The following PDHA1 variants were observed in gnomAD, a reference collection of about 807,000 sequenced individuals.
The protein encoded by PDHA1 is pyruvate dehydrogenase E1 subunit alpha 1.
In PDHA1, 1 loss-of-function variant was observed where a neutral mutation model predicts 33.0. The observed-to-expected ratio is 0.03, with a 90% CI of 0.01 to 0.14. The LOEUF (loss-of-function observed/expected upper bound fraction) is 0.14, where lower values mean the gene tolerates loss of function less well. PDHA1 is among the 10% of genes least tolerant of loss of function. The pLI is 1.00. For missense variants in PDHA1, 168 were observed against 325.1 expected (o/e 0.52, Z 3.72); for synonymous variants, 123 against 119.2 (o/e 1.03, Z -0.21).
In PDHA1 at chrX:19,351,523, C is replaced by A. The variant is rs1364899236; in HGVS notation, c.418+116C>A. ...AAAATTTTAAGTTTCTTTTTTTAAC[C>A]CTCTCTCCTTTGGTGCTCTGGTACT... On this transcript the variant is annotated intron_variant, in intron 4 of 10. Transcript: ENST00000422285. The A allele has an allele frequency of 2.0e-4, 130 of 648,348 alleles. 2 individuals carry two copies. The highest frequency in any genetic ancestry group is 1.2e-4 in the South Asian group (4 of 34,166). The allele number at this position is 648,348 out of a possible 1,213,427, so 53.4% of individuals were successfully genotyped here.
intron 1 of PDHA1, among the ~76,000 whole-genome samples, chrX:19,345,575 A>ATT (rs1569188734): frequency 3.4e-4 from 30 of 88,322 alleles, no homozygotes; most frequent in African/African-American, 1.2e-3. Context: ...CGTATTTTAA[A>ATT]AAAAAAAAAA....
At chrX:19,350,440 A>AT (rs1391001062) in intron 3 of PDHA1, among the ~76,000 whole-genome samples, 1 of 110,873 alleles carries the variant, frequency 9.0e-6, no homozygotes, top group Non-Finnish European at 1.9e-5. Context: ...TAATTTTTGT[A>AT]TTTTTTGGAG....
intron 1 of PDHA1, among the ~76,000 whole-genome samples, chrX:19,348,101 G>A (rs1352529707): frequency 8.9e-6 from 1 of 112,752 alleles, no homozygotes; most frequent in Non-Finnish European, 1.9e-5. Context: ...GCTTTTTATG[G>A]AGAAATCATG....
At position 19,359,721 on chromosome X, in the gene PDHA1, GA is replaced by G. The variant is rs780261890; in HGVS notation, c.*70del. 35 of 982,389 alleles carry G rather than the reference GA, an allele frequency of 3.6e-5. 1 individual carries two copies. Among genetic ancestry groups the G allele is most frequent in the Non-Finnish European group, 4.1e-5 (28 of 690,080 alleles). The allele number at this position is 982,389 out of a possible 1,213,427, so 81.0% of individuals were successfully genotyped here. On this transcript the variant is annotated 3_prime_UTR_variant, in exon 11 of 11. Transcript: ENST00000422285. ...CAGTGTTCTCAACTTGGTTAAGGAGGAAGAAAACCCAGTCAATGAAATTCAA... is the reference window on the plus strand; with the variant it reads ...CAGTGTTCTCAACTTGGTTAAGGAGGAGAAAACCCAGTCAATGAAATTCAA...
chrX:19,355,227 T>TAGAAG (rs2147180513), intron 6 of PDHA1, 122 bp from the exon 7 acceptor site: 1 of 877,582 alleles, frequency 1.1e-6, no homozygotes, highest in Non-Finnish European at 1.7e-6. Flanking sequence ...AGCTCGGTTT[T>TAGAAG]AGAAGAGGAG....
At chrX:19,344,522 G>C in intron 1 of PDHA1, among the ~76,000 whole-genome samples, 1 of 113,308 alleles carries the variant, frequency 8.8e-6, no homozygotes, top group African/African-American at 3.2e-5. Flanking sequence ...GGGTGGCTTC[G>C]TTCAAACAGC....
chrX:19,359,950 C>CT lies in PDHA1; in HGVS notation c.*302dup, dbSNP rs968438590. ...GCCTGTTTCCCCTGCCCCCAGCCACCTTTTTGGGAGGAGACCATTATGGCG... is the reference window on the plus strand; with the variant it reads ...GCCTGTTTCCCCTGCCCCCAGCCACCTTTTTTGGGAGGAGACCATTATGGCG... On this transcript the variant is annotated 3_prime_UTR_variant, in exon 11 of 11. Transcript: ENST00000422285. The CT allele has an allele frequency of 3.4e-5, 11 of 322,021 alleles. No individual in the cohort carries two copies. Among genetic ancestry groups the CT allele is most frequent in the African/African-American group, 2.2e-4 (8 of 36,895 alleles). 26.5% of individuals were successfully genotyped at this position (322,021 alleles called of 1,213,427 possible).
At position 19,360,834 on chromosome X, in the gene PDHA1, C is replaced by G. The variant is rs2063275854; in HGVS notation, c.*1181C>G. ...CCAGAGTCTGCAGAGGAGACCACCCCTGGGAAACAAACACAGCTGTCTTCA... is the reference window on the plus strand; with the variant it reads ...CCAGAGTCTGCAGAGGAGACCACCCGTGGGAAACAAACACAGCTGTCTTCA... On this transcript the variant is annotated 3_prime_UTR_variant, in exon 11 of 11. Transcript: ENST00000422285. The G allele has an allele frequency of 8.4e-7, 1 of 1,193,785 alleles. No homozygotes were observed. Among genetic ancestry groups the G allele is most frequent in the South Asian group, 1.8e-5 (1 of 55,001 alleles).
chrX:19,359,249 C>T (rs1313998893), intron 10 of PDHA1, among the ~76,000 whole-genome samples: 1 of 111,806 alleles, frequency 8.9e-6, no homozygotes, highest in African/African-American at 3.3e-5. Flanking sequence ...CTGTGAACCA[C>T]CATCACAGTG....
chrX:19,359,732 A>AGTCAAT lies in PDHA1; in HGVS notation c.*81_*86dup, dbSNP rs2063251388. 1.1e-6 allele frequency: 1 copy of AGTCAAT among 939,142 alleles called. No homozygotes were observed. Among genetic ancestry groups the AGTCAAT allele is most frequent in the African/African-American group, 1.9e-5 (1 of 52,729 alleles). The allele number at this position is 939,142 out of a possible 1,213,427, so 77.4% of individuals were successfully genotyped here. A position where few individuals can be genotyped will look rare whatever the true frequency, so the allele number is the denominator to read the frequency against. ...ACTTGGTTAAGGAGGAAGAAAACCC[A>AGTCAAT]GTCAATGAAATTCAATGAAATTCTT... On this transcript the variant is annotated 3_prime_UTR_variant, in exon 11 of 11. Coordinates refer to ENST00000422285, the MANE Select transcript of PDHA1 (RefSeq NM_000284.4).
chrX:19,361,306 AT>A lies in PDHA1; in HGVS notation c.*1655del. On this transcript the variant is annotated 3_prime_UTR_variant, in exon 11 of 11. Coordinates refer to ENST00000422285, the MANE Select transcript of PDHA1 (RefSeq NM_000284.4). ...AGCATATTCACACATAAAAAGTTGT[AT>A]TCTCTTATACAAACTGTTTTGAGGC... The A allele has an allele frequency of 9.0e-7, 1 of 1,109,289 alleles. No individual in the cohort carries two copies. Among genetic ancestry groups the A allele is most frequent in the African/African-American group, 1.8e-5 (1 of 55,407 alleles). 91.4% of individuals were successfully genotyped at this position (1,109,289 alleles called of 1,213,427 possible).
At chrX:19,359,465 T>TCGC (rs770680650) in intron 10 of PDHA1, 24 bp from the exon 11 acceptor site, 1 of 1,192,381 alleles carries the variant, frequency 8.4e-7, no homozygotes, top group Admixed American at 2.2e-5. Flanking sequence ...TCTAAAACCT[T>TCGC]TTACACTGTT....
At position 19,361,429 on chromosome X, in the gene PDHA1, C is replaced by T. The variant is rs1358338797; in HGVS notation, c.*1776C>T. ...CTCTTCAACAATCTGAAACAAAGAT[C>T]AGATCCTTAAGAGCTGAGCAGCTGT... is the stretch of plus-strand genomic sequence containing the variant. On this transcript the variant is annotated 3_prime_UTR_variant, in exon 11 of 11. Transcript: ENST00000422285. 3 of 1,199,937 alleles carry T rather than the reference C, an allele frequency of 2.5e-6. No individual in the cohort carries two copies. The highest frequency in any genetic ancestry group is 3.4e-6 in the Non-Finnish European group (3 of 885,321).
intron 3 of PDHA1, among the ~76,000 whole-genome samples, chrX:19,351,072 A>AG (rs1420486374): frequency 2.7e-5 from 3 of 111,973 alleles, no homozygotes; most frequent in Non-Finnish European, 3.8e-5. Flanking sequence ...ATCATACAGG[A>AG]GAAAGGAAGG....
At chrX:19,358,580 T>C (rs960215984) in intron 9 of PDHA1, among the ~76,000 whole-genome samples, 2 of 111,629 alleles carry the variant, frequency 1.8e-5, no homozygotes, top group African/African-American at 6.5e-5. Context: ...GACACTTCTT[T>C]AGAACCTTAC....
In PDHA1 at chrX:19,351,317, C is replaced by G; in HGVS notation, c.328C>G (p.Pro110Ala). 2 of 1,206,289 alleles carry G rather than the reference C, an allele frequency of 1.7e-6. No homozygotes were observed. The highest frequency in any genetic ancestry group is 5.9e-5 in the East Asian group (2 of 33,823). ...CCVGLEAGIN[P>A]TDHLITAYRA... is the part of the protein sequence containing the mutation. ...TGTGGGCCTGGAGGCCGGCATCAAC[C>G]CCACAGACCATCTCATCACAGCCTA... The change falls in exon 4 of 11, where the codon CCC (proline) becomes GCC (alanine). Residue 110 changes from proline (P) to alanine (A), a missense_variant. By Grantham distance (27) the Pro-to-Ala change is conservative (BLOSUM62 -1). Coordinates refer to ENST00000422285, the MANE Select transcript of PDHA1 (RefSeq NM_000284.4).
chrX:19,361,668 A>G lies in PDHA1; in HGVS notation c.*2015A>G. On this transcript the variant is annotated 3_prime_UTR_variant, in exon 11 of 11. Coordinates refer to ENST00000422285, the MANE Select transcript of PDHA1 (RefSeq NM_000284.4). ...CAAAAGTAACCAGTTGGATTAATAA[A>G]TGATTCCAGAATGTAAATGTGATGT... 1.4e-6 allele frequency: 1 copy of G among 699,787 alleles called. No individual in the cohort carries two copies. Among genetic ancestry groups the G allele is most frequent in the African/African-American group, 2.1e-5 (1 of 46,920 alleles). The allele number at this position is 699,787 out of a possible 1,213,427, so 57.7% of individuals were successfully genotyped here.
intron 1 of PDHA1, among the ~76,000 whole-genome samples, chrX:19,348,058 C>A (rs184860626): frequency 1.4e-4 from 16 of 112,593 alleles, no homozygotes; most frequent in African/African-American, 5.1e-4. Context: ...CAGTCCAGTG[C>A]TGGATTAGGT....
chrX:19,360,781 G>T lies in PDHA1; in HGVS notation c.*1128G>T. On this transcript the variant is annotated 3_prime_UTR_variant, in exon 11 of 11. Transcript: ENST00000422285. ...TTGTCTTTGGTTTCTGAGGCCTCCT[G>T]AGCCCTTCTGTACTGGGAGACCGCA... is the stretch of plus-strand genomic sequence containing the variant. 3 of 1,209,810 alleles carry T rather than the reference G, an allele frequency of 2.5e-6. No homozygotes were observed. The highest frequency in any genetic ancestry group is 3.4e-6 in the Non-Finnish European group (3 of 894,612).
Sources: gnomAD v4.1 joint callset for allele counts (sites outside exome capture counted in the v4.1 genomes callset) on GRCh38, gnomAD v4.1.1 for gene constraint, MANE v1.5 for transcripts, NCBI Gene and HGNC (gene_info 2026-07-23, HGNC 2026-07-21) for gene names.